Variants in COL5A2 observed in about 807,000 individuals in gnomAD.
COL5A2 encodes collagen alpha-2(V) chain.
Under a neutral mutation model 208.2 loss-of-function variants are expected in COL5A2, and 23 were observed. The observed-to-expected ratio is 0.11, with a 90% CI of 0.08 to 0.16. The LOEUF is 0.16. Among genes scored for constraint, COL5A2 ranks in the 10% least tolerant of loss-of-function variants. COL5A2 has a pLI of 1.00. For missense variants in COL5A2, 1,590 were observed against 1,956.4 expected (o/e 0.81, Z 3.53); for synonymous variants, 625 against 628.5 (o/e 0.99, Z 0.08).
At chr2:189,179,995 C>A (rs1207073153), upstream of COL5A2, 1 of 416,902 alleles carries the variant, frequency 2.4e-6, no homozygotes, top group Admixed American at 3.9e-5. Context: ...ATTTGTTTCT[C>A]TTTTCTTTTA....
chr2:189,264,870 C>T, the COL5A2 span, among the ~76,000 whole-genome samples: 1 of 152,104 alleles, frequency 6.6e-6, no homozygotes, highest in African/African-American at 2.4e-5. Flanking sequence ...CTCCACTTAG[C>T]TAAATTACTG....
the COL5A2 span, among the ~76,000 whole-genome samples, chr2:189,275,206 T>C: frequency 1.3e-5 from 2 of 152,112 alleles, no homozygotes; most frequent in African/African-American, 4.8e-5. Context: ...TACTTTTGCA[T>C]AGAAGTTATT....
Position 189,057,335 on chromosome 2 carries a change from G to T in COL5A2, c.2322C>A (p.Gly774=), listed in dbSNP as rs549187703. 26 of 1,605,034 alleles carry T rather than the reference G, an allele frequency of 1.6e-5. No individual in the cohort carries two copies. The South Asian group carries it at 2.4e-4, about 15-fold the overall frequency. Residue 774 remains glycine, a synonymous_variant, in exon 34 of 54, where the codon GGC becomes GGA. Coordinates refer to ENST00000374866, the MANE Select transcript of COL5A2 (RefSeq NM_000393.5). The part of the protein sequence containing the change: ...PGERGIAGTP[G]PKGDRGGIGE... Reference sequence around the variant, plus strand: ...AAGGACTTACTCTGTCACCCTTGGGGCCAGGAGTTCCTGCAATTCCTCTTT... The same window carrying T: ...AAGGACTTACTCTGTCACCCTTGGGTCCAGGAGTTCCTGCAATTCCTCTTT...
At chr2:189,364,256 C>T in the COL5A2 span, among the ~76,000 whole-genome samples, 7 of 152,272 alleles carry the variant, frequency 4.6e-5, no homozygotes, top group African/African-American at 1.7e-4. Context: ...GCTTGTGATA[C>T]TATGTGTTCT....
chr2:189,436,922 T>C, the COL5A2 span, among the ~76,000 whole-genome samples: 1 of 152,072 alleles, frequency 6.6e-6, no homozygotes, highest in Admixed American at 6.6e-5. Flanking sequence ...GCCTAGGTCA[T>C]GGGTTGATCT....
chr2:189,226,665 G>C (rs570970398), upstream of COL5A2, among the ~76,000 whole-genome samples: 14 of 152,238 alleles, frequency 9.2e-5, no homozygotes, highest in Middle Eastern at 3.4e-3. Context: ...GGGGGCCACT[G>C]AGAACAGAAA....
At chr2:189,088,634 C>T in intron 8 of COL5A2, 61 bp downstream of exon 8, 1 of 1,264,072 alleles carries the variant, frequency 7.9e-7, no homozygotes, top group South Asian at 1.2e-5. Flanking sequence ...ACTCAAGATT[C>T]TCTTTTTAAA....
the COL5A2 span, among the ~76,000 whole-genome samples, chr2:189,280,501 A>G: frequency 6.6e-6 from 1 of 152,164 alleles, no homozygotes; most frequent in East Asian, 1.9e-4. Flanking sequence ...ATGAAGGAAT[A>G]TACAATAAGA....
chr2:189,293,823 T>C, the COL5A2 span, among the ~76,000 whole-genome samples: 273 of 152,262 alleles, frequency 1.8e-3, 2 homozygotes, highest in East Asian at 0.015. Flanking sequence ...CGGTGGCTCA[T>C]GCCTGTAATC....
At chr2:189,177,316 T>C (rs1022811786) in intron 1 of COL5A2, among the ~76,000 whole-genome samples, 1 of 152,160 alleles carries the variant, frequency 6.6e-6, no homozygotes, top group African/African-American at 2.4e-5. Context: ...CAAAATCAAA[T>C]GGAGTTTCTA....
Position 189,179,669 on chromosome 2 carries a change from C to T in COL5A2, c.-65G>A. On this transcript the variant is annotated 5_prime_UTR_variant, in exon 1 of 54. In the 5' UTR this introduces an upstream ATG that the reference lacks. Coordinates refer to ENST00000374866, the MANE Select transcript of COL5A2 (RefSeq NM_000393.5). The stretch of plus-strand genomic sequence containing the variant: ...AGTAGATTCTGAGGTTATTGTAGCA[C>T]CATGAAGTCAGCTGTGGGCTCTTCT... 6.4e-7 allele frequency: 1 copy of T among 1,552,332 alleles called. No homozygotes were observed. Among genetic ancestry groups the T allele is most frequent in the Non-Finnish European group, 8.7e-7 (1 of 1,148,834 alleles).
At chr2:189,409,662 T>C in the COL5A2 span, among the ~76,000 whole-genome samples, 3 of 152,200 alleles carry the variant, frequency 2.0e-5, no homozygotes, top group Non-Finnish European at 1.5e-5. Flanking sequence ...ATGGAATTAT[T>C]TTAATGGAAA....
At chr2:189,238,372 G>A in the COL5A2 span, among the ~76,000 whole-genome samples, 1 of 151,994 alleles carries the variant, frequency 6.6e-6, no homozygotes, top group African/African-American at 2.4e-5. Context: ...ATTGAAAATG[G>A]ATCATGAACC....
chr2:189,047,151 T>C (rs1685687727), intron 45 of COL5A2, among the ~76,000 whole-genome samples: 1 of 152,034 alleles, frequency 6.6e-6, no homozygotes, highest in African/African-American at 2.4e-5. Context: ...TTAAAGCACT[T>C]GTACATTTAG....
intron 1 of COL5A2, among the ~76,000 whole-genome samples, chr2:189,139,917 A>G (rs1687903401): frequency 6.6e-6 from 1 of 152,094 alleles, no homozygotes; most frequent in Admixed American, 6.6e-5. Flanking sequence ...TACTAAAAAT[A>G]CAAAAATTAG....
At chr2:189,095,557 T>C (rs1230306218) in intron 6 of COL5A2, among the ~76,000 whole-genome samples, 1 of 151,802 alleles carries the variant, frequency 6.6e-6, no homozygotes, top group Non-Finnish European at 1.5e-5. Flanking sequence ...CCAATTCACA[T>C]TGATTGTCTC....
At chr2:189,301,097 G>A in the COL5A2 span, among the ~76,000 whole-genome samples, 1 of 151,808 alleles carries the variant, frequency 6.6e-6, no homozygotes, top group African/African-American at 2.4e-5. Context: ...TGTGGTGGGG[G>A]ATTGCTTTGA....
chr2:189,084,103 A>C, intron 11 of COL5A2, 66 bp from the exon 12 acceptor site: 1 of 1,065,998 alleles, frequency 9.4e-7, no homozygotes, highest in Non-Finnish European at 1.5e-6. Context: ...CTCTGAAACT[A>C]AATGATAAAT....
At chr2:189,313,132 C>T in the COL5A2 span, among the ~76,000 whole-genome samples, 1 of 151,860 alleles carries the variant, frequency 6.6e-6, no homozygotes, top group Non-Finnish European at 1.5e-5. Flanking sequence ...GACTGCCTGT[C>T]TGACAAGACG....
Sources: gnomAD v4.1 joint callset for allele counts (sites outside exome capture counted in the v4.1 genomes callset) on GRCh38, gnomAD v4.1.1 for gene constraint, MANE v1.5 for transcripts, NCBI Gene and HGNC (gene_info 2026-07-23, HGNC 2026-07-21) for gene names.